Variants in VKORC1L1 observed in about 807,000 individuals in gnomAD.
The protein encoded by VKORC1L1 is vitamin K epoxide reductase complex subunit 1-like protein 1.
A neutral mutation model predicts 18.9 loss-of-function variants in VKORC1L1; 2 were observed. The ratio of observed to expected loss-of-function variants is 0.11; its 90% CI spans 0.04 to 0.33. The LOEUF (loss-of-function observed/expected upper bound fraction) is 0.33, where lower values mean the gene tolerates loss of function less well. VKORC1L1 is among the 10% of genes least tolerant of loss of function. The pLI is 1.00. For missense variants in VKORC1L1, 123 were observed against 224.1 expected (o/e 0.55, Z 2.88); for synonymous variants, 96 against 100.0 (o/e 0.96, Z 0.24).
chr7:65,907,895 T>C (rs10241764), intron 1 of VKORC1L1, among the ~76,000 whole-genome samples: 5,045 of 146,224 alleles, frequency 0.035, 270 homozygotes, highest in African/African-American at 0.12. Context: ...TTTTTTTTTT[T>C]CCCGTATCAA....
intron 1 of VKORC1L1, among the ~76,000 whole-genome samples, chr7:65,945,724 T>G (rs2901040): frequency 1.3e-4 from 20 of 152,214 alleles, no homozygotes; most frequent in Admixed American, 4.6e-4. Flanking sequence ...AGGCTTTGAT[T>G]TTATTTTATT....
intron 2 of VKORC1L1, among the ~76,000 whole-genome samples, chr7:65,951,574 GA>G (rs60415673): frequency 0.12 from 16,894 of 145,588 alleles, 1,082 homozygotes; most frequent in South Asian, 0.2. Flanking sequence ...ACTCCTTCAG[GA>G]AAAAAAAAAT....
At chr7:65,904,183 A>T (rs939422143) in intron 1 of VKORC1L1, among the ~76,000 whole-genome samples, 1 of 152,176 alleles carries the variant, frequency 6.6e-6, no homozygotes, top group East Asian at 1.9e-4. Context: ...ATGGAAGGGG[A>T]CGGGAAGGGT....
chr7:65,914,045 A>G (rs1274670107), intron 1 of VKORC1L1, among the ~76,000 whole-genome samples: 4 of 152,198 alleles, frequency 2.6e-5, no homozygotes, highest in Admixed American at 2.6e-4. Flanking sequence ...CATTATAAAA[A>G]AATAAAAATG....
intron 1 of VKORC1L1, among the ~76,000 whole-genome samples, chr7:65,945,564 A>T (rs1373965675): frequency 2.6e-5 from 4 of 152,038 alleles, no homozygotes; most frequent in Non-Finnish European, 5.9e-5. Flanking sequence ...GTGAGCCGAG[A>T]TCGCGCCACT....
rs1790342250 is a variant in VKORC1L1, at chr7:65,958,731, C to T, written c.*4431C>T. 1 of 152,174 alleles carries T rather than the reference C, an allele frequency of 6.6e-6. No homozygotes were observed. The highest frequency in any genetic ancestry group is 6.5e-5 in the Admixed American group (1 of 15,274). The allele number at this position is 152,174 out of a possible 1,614,324, so 9.4% of individuals were successfully genotyped here. The stretch of plus-strand genomic sequence containing the variant: ...TAACTTGCAGAAGATTCAGAGTCCT[C>T]AGACCTCTAGTTCTTGGAATTCCTG... On this transcript the variant is annotated 3_prime_UTR_variant, in exon 3 of 3. Coordinates refer to ENST00000360768, the MANE Select transcript of VKORC1L1 (RefSeq NM_173517.6).
chr7:65,901,970 T>C (rs1246769433), intron 1 of VKORC1L1, among the ~76,000 whole-genome samples: 1 of 152,182 alleles, frequency 6.6e-6, no homozygotes, highest in African/African-American at 2.4e-5. Flanking sequence ...ATTTAAAGGC[T>C]ACTCTGGATC....
At chr7:65,901,245 C>G (rs1343406259) in intron 1 of VKORC1L1, among the ~76,000 whole-genome samples, 3 of 152,000 alleles carry the variant, frequency 2.0e-5, no homozygotes, top group Non-Finnish European at 1.5e-5. Context: ...GCCTATAATC[C>G]CAGTGTTTTG....
chr7:65,876,983 T>C (rs1381325896), intron 1 of VKORC1L1, among the ~76,000 whole-genome samples: 3 of 152,102 alleles, frequency 2.0e-5, no homozygotes, highest in African/African-American at 2.4e-5. Context: ...GAGGCTGAGG[T>C]CTGCAGTGAG....
intron 1 of VKORC1L1, among the ~76,000 whole-genome samples, chr7:65,945,474 T>C (rs556348079): frequency 1.8e-4 from 27 of 151,992 alleles, no homozygotes; most frequent in Non-Finnish European, 3.4e-4. Context: ...TAGCTGGGCA[T>C]GGTGGTGGGC....
intron 1 of VKORC1L1, among the ~76,000 whole-genome samples, chr7:65,876,955 A>G (rs1788837350): frequency 1.3e-5 from 2 of 152,154 alleles, no homozygotes; most frequent in African/African-American, 4.8e-5. Flanking sequence ...CTGAGGTGTG[A>G]GGATCACTTG....
chr7:65,934,375 T>C (rs1486213546), intron 1 of VKORC1L1, among the ~76,000 whole-genome samples: 1 of 152,200 alleles, frequency 6.6e-6, no homozygotes, highest in Non-Finnish European at 1.5e-5. Context: ...AATACTTATT[T>C]TTTGTGGTTG....
intron 1 of VKORC1L1, among the ~76,000 whole-genome samples, chr7:65,909,961 C>T (rs1435462041): frequency 1.3e-5 from 2 of 151,914 alleles, no homozygotes; most frequent in Non-Finnish European, 2.9e-5. Flanking sequence ...CGTGATCCAC[C>T]CACCTCGGCC....
chr7:65,939,366 GA>G (rs1162330340), intron 1 of VKORC1L1, among the ~76,000 whole-genome samples: 1 of 152,186 alleles, frequency 6.6e-6, no homozygotes, highest in East Asian at 1.9e-4. Flanking sequence ...TGGTGGAAGT[GA>G]CAAGTTTGGT....
At chr7:65,927,746 T>C (rs1789789657) in intron 1 of VKORC1L1, among the ~76,000 whole-genome samples, 1 of 152,228 alleles carries the variant, frequency 6.6e-6, no homozygotes. Flanking sequence ...CTGCATTTTA[T>C]TGTAGCCCAC....
chr7:65,909,286 C>A (rs1403999663), intron 1 of VKORC1L1, among the ~76,000 whole-genome samples: 1 of 151,208 alleles, frequency 6.6e-6, no homozygotes, highest in Non-Finnish European at 1.5e-5. Context: ...CCGGGCACAG[C>A]ATCACTTTCA....
rs188923132 is a variant in VKORC1L1, at chr7:65,942,227, C to T, written c.195-6444C>T. The stretch of plus-strand genomic sequence containing the variant: ...TGTTGGCCGGATGCAGTGACTCACA[C>T]CTGTAATCCCAGCACTTTGGGAGGC... On this transcript the variant is annotated intron_variant, in intron 1 of 2. Transcript: ENST00000360768. Among the ~76,000 whole-genome samples, 281 of 151,994 alleles carry T rather than the reference C, an allele frequency of 1.8e-3. 2 individuals are homozygous for T. The highest frequency in any genetic ancestry group is 6.6e-3 in the African/African-American group (274 of 41,466).
At chr7:65,901,762 CCTGAAAT>C (rs1281634514) in intron 1 of VKORC1L1, among the ~76,000 whole-genome samples, 1 of 151,992 alleles carries the variant, frequency 6.6e-6, no homozygotes, top group Non-Finnish European at 1.5e-5. Context: ...GGAGGAGTCT[CCTGAAAT>C]CTGGTTGAGT....
intron 1 of VKORC1L1, among the ~76,000 whole-genome samples, chr7:65,906,283 A>G (rs75403031): frequency 0.33 from 49,470 of 151,690 alleles, 9,120 homozygotes; most frequent in East Asian, 0.5. Flanking sequence ...CTGAGGTGGG[A>G]GGATTGCTTG....
Sources: gnomAD v4.1 joint callset for allele counts (sites outside exome capture counted in the v4.1 genomes callset) on GRCh38, gnomAD v4.1.1 for gene constraint, MANE v1.5 for transcripts, NCBI Gene and HGNC (gene_info 2026-07-23, HGNC 2026-07-21) for gene names.